The following CYP19A1 variants were observed in gnomAD, a reference collection of about 807,000 sequenced individuals.
CYP19A1 encodes aromatase.
In CYP19A1, 32 loss-of-function variants were observed where a neutral mutation model predicts 44.4. The observed-to-expected ratio is 0.72, with a 90% CI of 0.54 to 0.97. CYP19A1 has a LOEUF of 0.97. CYP19A1 is among the 50% of genes least tolerant of loss of function. The pLI is 0.00. For missense variants in CYP19A1, 598 were observed against 637.8 expected, an observed-to-expected ratio of 0.94 and a Z score of 0.67; for synonymous variants, 212 against 215.6, an observed-to-expected ratio of 0.98 and a Z score of 0.14.
Position 51,325,946 on chromosome 15 carries a change from G to A in CYP19A1, c.-39+12549C>T, listed in dbSNP as rs111820577. Among the ~76,000 whole-genome samples the A allele has an allele frequency of 3.8e-3, 574 of 151,050 alleles. 5 individuals are homozygous for A. Among genetic ancestry groups the A allele is most frequent in the African/African-American group, 0.013 (531 of 41,148 alleles). ...ATGTGCTCAGAACACTTACATTAGC[G>A]TACAATTAGGCAAAATCAAAGCCCA... On this transcript the variant is annotated intron_variant, in intron 1 of 9. Coordinates refer to ENST00000396402, the MANE Select transcript of CYP19A1 (RefSeq NM_000103.4).
intron 1 of CYP19A1, among the ~76,000 whole-genome samples, chr15:51,247,825 A>G (rs1214662870): frequency 1.3e-5 from 2 of 152,030 alleles, no homozygotes; most frequent in Non-Finnish European, 2.9e-5. Context: ...TTCCCATCCC[A>G]GCCTAACCAT....
Position 51,310,526 on chromosome 15 carries a change from G to C in CYP19A1, c.-39+27969C>G, listed in dbSNP as rs548443902. ...TCTCAGCTTGGACACACAGTCAGAT[G>C]CAGCCCCCAAACTGTATCGCCATCA... On this transcript the variant is annotated intron_variant, in intron 1 of 9. Transcript: ENST00000396402. 3.3e-5 allele frequency among the ~76,000 whole-genome samples: 5 copies of C among 152,304 alleles called. No homozygotes were observed. The East Asian group carries it at 9.6e-4, about 29-fold the overall frequency.
At chr15:51,337,346 C>T (rs1234639253) in intron 1 of CYP19A1, among the ~76,000 whole-genome samples, 1 of 152,216 alleles carries the variant, frequency 6.6e-6, no homozygotes, top group Non-Finnish European at 1.5e-5. Context: ...TAAGTCTCAG[C>T]CAGTTCATAT....
At chr15:51,239,321 T>C (rs1318418767) in intron 2 of CYP19A1, among the ~76,000 whole-genome samples, 1 of 152,160 alleles carries the variant, frequency 6.6e-6, no homozygotes, top group African/African-American at 2.4e-5. Flanking sequence ...ATGTACACCA[T>C]AGAGAAACCT....
chr15:51,332,269 G>C (rs904490211), intron 1 of CYP19A1, among the ~76,000 whole-genome samples: 1 of 151,918 alleles, frequency 6.6e-6, no homozygotes, highest in Non-Finnish European at 1.5e-5. Context: ...ACCAACATAA[G>C]AGTCCAACTA....
At chr15:51,252,257 C>T (rs566783989) in intron 1 of CYP19A1, among the ~76,000 whole-genome samples, 17 of 152,226 alleles carry the variant, frequency 1.1e-4, no homozygotes, top group Admixed American at 9.2e-4. Flanking sequence ...GAAACACACT[C>T]GGGAATCAAC....
At chr15:51,298,281 G>A (rs755776485) in intron 1 of CYP19A1, among the ~76,000 whole-genome samples, 10 of 152,200 alleles carry the variant, frequency 6.6e-5, no homozygotes, top group Non-Finnish European at 1.2e-4. Context: ...GCACCCTGAT[G>A]TCATTTAAGT....
intron 1 of CYP19A1, among the ~76,000 whole-genome samples, chr15:51,246,753 A>C (rs529531651): frequency 6.6e-6 from 1 of 152,318 alleles, no homozygotes; most frequent in African/African-American, 2.4e-5. Flanking sequence ...TCTGCCTAGC[A>C]TGACCAGACC....
intron 1 of CYP19A1, among the ~76,000 whole-genome samples, chr15:51,275,297 C>T (rs909349306): frequency 1.3e-5 from 2 of 152,262 alleles, no homozygotes; most frequent in Non-Finnish European, 2.9e-5. Context: ...CTTGAAAACA[C>T]AGGACCTGAG....
At chr15:51,283,429 G>C (rs925357709) in intron 1 of CYP19A1, among the ~76,000 whole-genome samples, 2 of 152,132 alleles carry the variant, frequency 1.3e-5, no homozygotes, top group Non-Finnish European at 2.9e-5. Flanking sequence ...TTGAAGTATG[G>C]CAATTTCCCA....
intron 1 of CYP19A1, among the ~76,000 whole-genome samples, chr15:51,252,388 C>G (rs1205279099): frequency 1.3e-5 from 2 of 152,196 alleles, no homozygotes; most frequent in Non-Finnish European, 2.9e-5. Flanking sequence ...TGTCCAATGT[C>G]CCAGAGGCTC....
Position 51,249,458 on chromosome 15 carries a change from G to A in CYP19A1, c.-38-6508C>T, listed in dbSNP as rs532418284. Reference sequence around the variant, plus strand: ...AAATACTCCTCCTCTTTTTCTCTCCGACATGGGTCTTGGACTACTACTGCT... The same window carrying A: ...AAATACTCCTCCTCTTTTTCTCTCCAACATGGGTCTTGGACTACTACTGCT... On this transcript the variant is annotated intron_variant, in intron 1 of 9. Transcript: ENST00000396402. Among the ~76,000 whole-genome samples, 6 of 152,126 alleles carry A rather than the reference G, an allele frequency of 3.9e-5. No homozygotes were observed. In the South Asian group the frequency reaches 6.2e-4, roughly 16 times the overall value.
At position 51,291,734 on chromosome 15, in the gene CYP19A1, C is replaced by G. The variant is rs186316477; in HGVS notation, c.-39+46761G>C. Among the ~76,000 whole-genome samples the G allele has an allele frequency of 1.5e-3, 222 of 152,196 alleles. 4 individuals carry two copies. The South Asian group carries it at 0.022, about 15-fold the overall frequency. ...TTGCAGAGTGGTTATCATGGAAACCCCACGAGTAGGTCAAATCTCCAACAC... is the reference window on the plus strand; with the variant it reads ...TTGCAGAGTGGTTATCATGGAAACCGCACGAGTAGGTCAAATCTCCAACAC... On this transcript the variant is annotated intron_variant, in intron 1 of 9. Transcript: ENST00000396402.
At chr15:51,299,647 A>G (rs72727202) in intron 1 of CYP19A1, among the ~76,000 whole-genome samples, 121 of 152,368 alleles carry the variant, frequency 7.9e-4, no homozygotes, top group South Asian at 2.1e-4. Flanking sequence ...CACACACAGA[A>G]TGAGCACCCT....
chr15:51,295,783 G>C (rs2035983029), intron 1 of CYP19A1, among the ~76,000 whole-genome samples: 2 of 152,190 alleles, frequency 1.3e-5, no homozygotes, highest in Non-Finnish European at 2.9e-5. Context: ...GTCCAGTTCT[G>C]GATGGCTTCG....
At chr15:51,244,046 G>T (rs1030917881) in intron 1 of CYP19A1, among the ~76,000 whole-genome samples, 13 of 152,188 alleles carry the variant, frequency 8.5e-5, no homozygotes, top group Non-Finnish European at 1.9e-4. Context: ...TCTGTGACTT[G>T]CAATGGCTCT....
At chr15:51,254,680 G>A (rs1185727634) in intron 1 of CYP19A1, among the ~76,000 whole-genome samples, 6 of 151,804 alleles carry the variant, frequency 4.0e-5, no homozygotes, top group East Asian at 1.9e-4. Context: ...TTGTCCTTTC[G>A]GGTCGTCCAT....
intron 4 of CYP19A1, among the ~76,000 whole-genome samples, chr15:51,224,897 T>C (rs988476955): frequency 6.6e-6 from 1 of 152,226 alleles, no homozygotes; most frequent in African/African-American, 2.4e-5. Flanking sequence ...ATCATGTCTA[T>C]CTATTTGTCT....
At chr15:51,306,631 A>G (rs1183833131) in intron 1 of CYP19A1, among the ~76,000 whole-genome samples, 2 of 152,256 alleles carry the variant, frequency 1.3e-5, no homozygotes, top group Non-Finnish European at 2.9e-5. Context: ...ATGAAATTGC[A>G]AAGTTCTAGT....
Sources: gnomAD v4.1 joint callset for allele counts (sites outside exome capture counted in the v4.1 genomes callset) on GRCh38, gnomAD v4.1.1 for gene constraint, MANE v1.5 for transcripts, NCBI Gene and HGNC (gene_info 2026-07-23, HGNC 2026-07-21) for gene names.